The following GLIS3 variants were observed in gnomAD, a reference collection of about 807,000 sequenced individuals.
The protein encoded by GLIS3 is GLIS family zinc finger 3, also known as zinc finger protein GLIS3.
Under a neutral mutation model 78.6 loss-of-function variants are expected in GLIS3, and 53 were observed. That is an observed-to-expected ratio of 0.67 (90% CI 0.54 to 0.85). The LOEUF (loss-of-function observed/expected upper bound fraction) is 0.85, where lower values mean the gene tolerates loss of function less well. GLIS3 is among the 40% of genes least tolerant of loss of function. The pLI, the probability that GLIS3 is intolerant of heterozygous loss-of-function variation, is 0.00. For missense variants in GLIS3, 1,703 were observed against 1,231.1 expected, an observed-to-expected ratio of 1.38 and a Z score of -5.74; for synonymous variants, 684 against 509.9, an observed-to-expected ratio of 1.34 and a Z score of -4.60.
At chr9:4,073,285 A>G (rs980488373) in intron 4 of GLIS3, among the ~76,000 whole-genome samples, 1 of 152,232 alleles carries the variant, frequency 6.6e-6, no homozygotes, top group African/African-American at 2.4e-5. Context: ...TGCTCCAAGT[A>G]GTGCGTCTCA....
At chr9:4,420,599 C>G in the GLIS3 span, among the ~76,000 whole-genome samples, 1 of 152,110 alleles carries the variant, frequency 6.6e-6, no homozygotes, top group South Asian at 2.1e-4. Flanking sequence ...AATGTTTAAT[C>G]CTTCTGATTA....
At chr9:4,080,680 C>T (rs998914380) in intron 4 of GLIS3, among the ~76,000 whole-genome samples, 1 of 152,142 alleles carries the variant, frequency 6.6e-6, no homozygotes, top group African/African-American at 2.4e-5. Context: ...TGACACTAAT[C>T]CTGGCCCTGA....
intron 2 of GLIS3, among the ~76,000 whole-genome samples, chr9:4,323,302 T>C (rs569295491): frequency 6.6e-6 from 1 of 152,352 alleles, no homozygotes; most frequent in Non-Finnish European, 1.5e-5. Context: ...CCCAAAGTGC[T>C]GTTTTATCAC....
chr9:4,103,618 G>A (rs1279935536), intron 4 of GLIS3, among the ~76,000 whole-genome samples: 1 of 152,142 alleles, frequency 6.6e-6, no homozygotes, highest in Non-Finnish European at 1.5e-5. Flanking sequence ...TCACCCTCAT[G>A]GTAGAACTAA....
chr9:4,021,058 T>C lies in GLIS3; in HGVS notation c.1711-83869A>G, dbSNP rs61286487. The stretch of plus-strand genomic sequence containing the variant: ...GAACTGAGCATCTGCAGTTCTTGGA[T>C]AAGTCCCTCAAAGAGCTCAGAAAGT... On this transcript the variant is annotated intron_variant, in intron 4 of 10. Coordinates refer to ENST00000381971, the MANE Select transcript of GLIS3 (RefSeq NM_001042413.2). 1.9e-3 allele frequency among the ~76,000 whole-genome samples: 293 copies of C among 152,340 alleles called. 2 individuals carry two copies. The highest frequency in any genetic ancestry group is 6.7e-3 in the African/African-American group (278 of 41,560).
intron 2 of GLIS3, among the ~76,000 whole-genome samples, chr9:4,137,645 TA>T (rs1833497308): frequency 6.6e-6 from 1 of 152,142 alleles, no homozygotes. Context: ...AAAGATAAAT[TA>T]AGCAATATTC....
chr9:4,033,866 A>T (rs1210885459), intron 4 of GLIS3, among the ~76,000 whole-genome samples: 2 of 109,770 alleles, frequency 1.8e-5, no homozygotes, highest in Admixed American at 8.4e-5. Context: ...GCGAAGGATA[A>T]AAAAAAAAAA....
intron 4 of GLIS3, among the ~76,000 whole-genome samples, chr9:4,000,910 G>C (rs1821082928): frequency 6.6e-6 from 1 of 152,138 alleles, no homozygotes; most frequent in Non-Finnish European, 1.5e-5. Context: ...TGATTATTCT[G>C]ATGGTCACTC....
chr9:4,364,755 G>GTTTTTTTTTTTT, the GLIS3 span, among the ~76,000 whole-genome samples: 2 of 15,494 alleles, frequency 1.3e-4, no homozygotes, highest in Non-Finnish European at 2.9e-4. Context: ...ATCATGTATT[G>GTTTTTTTTTTTT]CTTTTTTTTT....
chr9:4,341,939 T>C (rs1817839055), intron 2 of GLIS3, among the ~76,000 whole-genome samples: 1 of 152,102 alleles, frequency 6.6e-6, no homozygotes, highest in Admixed American at 6.5e-5. Flanking sequence ...CATCTTTTAA[T>C]GGGGATGTAT....
chr9:3,917,601 AT>A (rs5896034), intron 6 of GLIS3, among the ~76,000 whole-genome samples: 3,406 of 146,204 alleles, frequency 0.023, 69 homozygotes, highest in Admixed American at 0.057. Context: ...TCCATCCATT[AT>A]TTTTTTTTTT....
chr9:4,214,655 T>C (rs1256531859), intron 2 of GLIS3, among the ~76,000 whole-genome samples: 1 of 152,218 alleles, frequency 6.6e-6, no homozygotes, highest in Non-Finnish European at 1.5e-5. Context: ...CTTAATGTTC[T>C]TTATCCCTGT....
At chr9:3,907,814 C>T (rs886734626) in intron 6 of GLIS3, among the ~76,000 whole-genome samples, 7 of 152,128 alleles carry the variant, frequency 4.6e-5, no homozygotes, top group Admixed American at 1.3e-4. Flanking sequence ...CTTGCAAGTG[C>T]GTCCTTCATA....
chr9:4,451,629 C>A, the GLIS3 span, among the ~76,000 whole-genome samples: 1 of 152,150 alleles, frequency 6.6e-6, no homozygotes, highest in East Asian at 1.9e-4. Flanking sequence ...CGTAAAATAA[C>A]AAAATCACGA....
intron 2 of GLIS3, among the ~76,000 whole-genome samples, chr9:4,262,933 CAAA>C (rs34292499): frequency 1.3e-4 from 13 of 97,868 alleles, no homozygotes; most frequent in Non-Finnish European, 1.5e-4. Flanking sequence ...GTGTTTGCCT[CAAA>C]AAAAAAAAAA....
At chr9:3,895,965 T>C (rs1207010471) in intron 7 of GLIS3, among the ~76,000 whole-genome samples, 1 of 152,244 alleles carries the variant, frequency 6.6e-6, no homozygotes, top group East Asian at 1.9e-4. Context: ...CTGACAATCA[T>C]TAAACAAATA....
rs1172611069 is a variant in GLIS3, at chr9:4,190,551, T to C, written c.389-64610A>G. 2.8e-5 allele frequency among the ~76,000 whole-genome samples: 4 copies of C among 144,334 alleles called. No homozygotes were observed. In the East Asian group the frequency reaches 8.4e-4, roughly 30 times the overall value. The allele number at this position is 144,334 out of a possible 152,430, so 94.7% of individuals were successfully genotyped here. On this transcript the variant is annotated intron_variant, in intron 2 of 10. Transcript: ENST00000381971. The stretch of plus-strand genomic sequence containing the variant: ...ACTATGTGAAAAGACCAAGTCTACG[T>C]CTGATTGGTGTACCTGAAAGTGACG...
chr9:4,244,226 C>T lies in GLIS3; in HGVS notation c.388+41812G>A, dbSNP rs182220772. Among the ~76,000 whole-genome samples, 4 of 152,310 alleles carry T rather than the reference C, an allele frequency of 2.6e-5. No individual in the cohort carries two copies. The East Asian group carries it at 5.8e-4, about 22-fold the overall frequency. ...TCTCAATCAACTCACCAGAATAGCT[C>T]ATGTCCTTCATTGCCTGTGTGAAAC... is the stretch of plus-strand genomic sequence containing the variant. On this transcript the variant is annotated intron_variant, in intron 2 of 10. Coordinates refer to ENST00000381971, the MANE Select transcript of GLIS3 (RefSeq NM_001042413.2).
chr9:4,328,130 T>C (rs1480333769), intron 2 of GLIS3, among the ~76,000 whole-genome samples: 2 of 152,188 alleles, frequency 1.3e-5, no homozygotes, highest in African/African-American at 4.8e-5. Context: ...CCCTGGATGC[T>C]GCTACCCCGG....
Sources: gnomAD v4.1 joint callset for allele counts (sites outside exome capture counted in the v4.1 genomes callset) on GRCh38, gnomAD v4.1.1 for gene constraint, MANE v1.5 for transcripts, NCBI Gene and HGNC (gene_info 2026-07-23, HGNC 2026-07-21) for gene names.